Variants in HSD17B12 observed in about 807,000 individuals in gnomAD.
HSD17B12 encodes hydroxysteroid 17-beta dehydrogenase 12.
HSD17B12 carries 32 observed loss-of-function variants against 39.3 expected under a neutral mutation model. The observed-to-expected ratio is 0.81, with a 90% CI of 0.61 to 1.09. The LOEUF (loss-of-function observed/expected upper bound fraction) is 1.09. HSD17B12 is among the 50% of genes least tolerant of loss of function. HSD17B12 has a pLI of 0.00. For synonymous variants in HSD17B12, 150 were observed against 146.7 expected, an observed-to-expected ratio of 1.02 and a Z score of -0.16; for missense variants, 342 against 382.9, an observed-to-expected ratio of 0.89 and a Z score of 0.89.
intron 1 of HSD17B12, among the ~76,000 whole-genome samples, chr11:43,717,923 G>T (rs1340648505): frequency 6.6e-6 from 1 of 151,118 alleles, no homozygotes; most frequent in Non-Finnish European, 1.5e-5. Context: ...TCATACCTCA[G>T]CCTCCCAAGA....
chr11:43,782,409 G>A (rs1048435210), intron 3 of HSD17B12, among the ~76,000 whole-genome samples: 15 of 152,098 alleles, frequency 9.9e-5, no homozygotes, highest in African/African-American at 3.6e-4. Context: ...GGCCGGGTAC[G>A]GTGGCTCACT....
At chr11:43,655,248 T>C in the HSD17B12 span, among the ~76,000 whole-genome samples, 2 of 152,242 alleles carry the variant, frequency 1.3e-5, no homozygotes, top group Non-Finnish European at 2.9e-5. Flanking sequence ...TTTTTGCACA[T>C]TGATTTTGTA....
At chr11:43,599,637 C>A in the HSD17B12 span, among the ~76,000 whole-genome samples, 10 of 152,020 alleles carry the variant, frequency 6.6e-5, no homozygotes, top group Non-Finnish European at 1.5e-4. Context: ...AAGGTTATTT[C>A]TTTATTTATA....
the HSD17B12 span, among the ~76,000 whole-genome samples, chr11:43,589,640 T>TA: frequency 2.6e-5 from 4 of 152,268 alleles, no homozygotes; most frequent in Non-Finnish European, 1.5e-5. Context: ...TCTGTCGTTT[T>TA]AAAAATAATT....
the HSD17B12 span, among the ~76,000 whole-genome samples, chr11:43,625,998 T>A: frequency 6.6e-6 from 1 of 151,612 alleles, no homozygotes; most frequent in Non-Finnish European, 1.5e-5. Flanking sequence ...ATACTAGTAT[T>A]TGAATTATTA....
chr11:43,744,631 G>T, intron 1 of HSD17B12, among the ~76,000 whole-genome samples: 1 of 152,110 alleles, frequency 6.6e-6, no homozygotes, highest in East Asian at 1.9e-4. Context: ...GGATATCCTG[G>T]ATGGGATCCT....
intron 9 of HSD17B12, among the ~76,000 whole-genome samples, chr11:43,847,715 CAAA>C (rs749195210): frequency 3.6e-4 from 31 of 85,698 alleles, no homozygotes; most frequent in South Asian, 4.9e-4. Context: ...CTCTGCCTCA[CAAA>C]AAAAAAAAAA....
intron 4 of HSD17B12, among the ~76,000 whole-genome samples, chr11:43,799,584 CAAA>C (rs749954029): frequency 1.8e-4 from 28 of 151,572 alleles, no homozygotes; most frequent in Non-Finnish European, 3.7e-4. Flanking sequence ...CATCTAGTTC[CAAA>C]AAAAACTAAA....
At chr11:43,574,070 C>A in the HSD17B12 span, among the ~76,000 whole-genome samples, 9 of 152,226 alleles carry the variant, frequency 5.9e-5, no homozygotes, top group Admixed American at 5.9e-4. Context: ...TAAACAGCTG[C>A]TGATGGGCTG....
the HSD17B12 span, among the ~76,000 whole-genome samples, chr11:43,577,386 G>C: frequency 6.6e-6 from 1 of 152,168 alleles, no homozygotes; most frequent in South Asian, 2.1e-4. Context: ...AGGAGGGGGA[G>C]CGAAGTGTTA....
At chr11:43,557,047 ATGAC>A in the HSD17B12 span, 1 of 152,154 alleles carries the variant, frequency 6.6e-6, no homozygotes, top group African/African-American at 2.4e-5. Context: ...GTAGATTTGT[ATGAC>A]TGACCATGAT....
chr11:43,569,150 G>A, the HSD17B12 span, among the ~76,000 whole-genome samples: 4 of 152,244 alleles, frequency 2.6e-5, no homozygotes, highest in East Asian at 3.9e-4. Context: ...GCTGGGGTTC[G>A]GGTCTCCAAT....
chr11:43,821,629 A>G (rs1951183833), intron 6 of HSD17B12, among the ~76,000 whole-genome samples: 1 of 152,198 alleles, frequency 6.6e-6, no homozygotes, highest in Non-Finnish European at 1.5e-5. Flanking sequence ...AGAGTTTGCA[A>G]ATGAAATTAT....
intron 1 of HSD17B12, among the ~76,000 whole-genome samples, chr11:43,732,851 C>T (rs989743547): frequency 1.2e-4 from 19 of 152,268 alleles, no homozygotes; most frequent in Middle Eastern, 3.4e-3. Flanking sequence ...TGGTTCACTG[C>T]AACCTCAGCC....
chr11:43,672,181 T>TG, the HSD17B12 span, among the ~76,000 whole-genome samples: 3 of 152,302 alleles, frequency 2.0e-5, no homozygotes, highest in East Asian at 5.8e-4. Flanking sequence ...CCCAAGTAGC[T>TG]GGGACTACAG....
At chr11:43,839,322 G>A (rs970363160) in intron 8 of HSD17B12, among the ~76,000 whole-genome samples, 3 of 151,988 alleles carry the variant, frequency 2.0e-5, no homozygotes, top group Non-Finnish European at 4.4e-5. Flanking sequence ...TAAAATGAAT[G>A]CCATGTTTCT....
the HSD17B12 span, among the ~76,000 whole-genome samples, chr11:43,616,435 A>AAAAAAAAAAAAAAAAAAAAAT: frequency 6.6e-6 from 1 of 150,618 alleles, no homozygotes; most frequent in Non-Finnish European, 1.5e-5. Flanking sequence ...CAAAAAAAAA[A>AAAAAAAAAAAAAAAAAAAAAT]CAAACAAACT....
chr11:43,584,696 C>T, the HSD17B12 span: 2 of 152,228 alleles, frequency 1.3e-5, no homozygotes, highest in South Asian at 4.1e-4. Context: ...GATGTCAGCC[C>T]ATGGTTTCTT....
intron 3 of HSD17B12, among the ~76,000 whole-genome samples, chr11:43,787,491 CTG>C (rs1293612586): frequency 6.6e-6 from 1 of 151,998 alleles, no homozygotes; most frequent in Admixed American, 6.6e-5. Flanking sequence ...AATCCCAACA[CTG>C]TGGGAGGCCG....
Sources: gnomAD v4.1 joint callset for allele counts (sites outside exome capture counted in the v4.1 genomes callset) on GRCh38, gnomAD v4.1.1 for gene constraint, MANE v1.5 for transcripts, NCBI Gene and HGNC (gene_info 2026-07-23, HGNC 2026-07-21) for gene names.